Variants in MEIKIN observed in about 807,000 individuals in gnomAD.
MEIKIN encodes the protein meiosis-specific kinetochore protein.
chr5:131,840,051 T>A (rs1369465264), intron 11 of MEIKIN, among the ~76,000 whole-genome samples: 1 of 152,178 alleles, frequency 6.6e-6, no homozygotes, highest in African/African-American at 2.4e-5. Flanking sequence ...TTACATCTGG[T>A]GATAAATTCC....
intron 9 of MEIKIN, among the ~76,000 whole-genome samples, chr5:131,875,625 A>G: frequency 6.6e-6 from 1 of 152,206 alleles, no homozygotes; most frequent in Non-Finnish European, 1.5e-5. Context: ...GACTTTCTTC[A>G]CATAATTGGA....
chr5:131,925,860 C>A (rs894014070), intron 5 of MEIKIN, among the ~76,000 whole-genome samples: 2 of 151,790 alleles, frequency 1.3e-5, no homozygotes, highest in Non-Finnish European at 2.9e-5. Context: ...TAGAGAAGGG[C>A]TTTCACCATT....
chr5:131,883,643 G>T (rs768240887), intron 8 of MEIKIN, among the ~76,000 whole-genome samples: 5 of 152,218 alleles, frequency 3.3e-5, no homozygotes, highest in Non-Finnish European at 5.9e-5. Context: ...CATTGCCCCT[G>T]CAAGGACACC....
chr5:131,861,648 G>GT (rs1418006159), intron 9 of MEIKIN, among the ~76,000 whole-genome samples: 9 of 152,240 alleles, frequency 5.9e-5, no homozygotes, highest in African/African-American at 1.9e-4. Flanking sequence ...TTTGCTGAGA[G>GT]TTTTTGTCAT....
chr5:131,823,084 G>A (rs543771570), intron 11 of MEIKIN, among the ~76,000 whole-genome samples: 11 of 151,950 alleles, frequency 7.2e-5, no homozygotes, highest in Admixed American at 1.3e-4. Context: ...CCCATTTTAC[G>A]TTGTTTCTTT....
At chr5:131,822,773 G>A (rs1307237452) in intron 11 of MEIKIN, among the ~76,000 whole-genome samples, 1 of 152,038 alleles carries the variant, frequency 6.6e-6, no homozygotes, top group African/African-American at 2.4e-5. Flanking sequence ...TTACCAGTGA[G>A]TTTTCTACCT....
chr5:131,937,966 C>A (rs970429214), intron 4 of MEIKIN, among the ~76,000 whole-genome samples: 2 of 151,602 alleles, frequency 1.3e-5, no homozygotes, highest in Non-Finnish European at 2.9e-5. Context: ...TCAGTAAATA[C>A]ACTCATGACC....
chr5:131,875,157 G>A (rs1490976935), intron 9 of MEIKIN, among the ~76,000 whole-genome samples: 1 of 152,186 alleles, frequency 6.6e-6, no homozygotes, highest in Non-Finnish European at 1.5e-5. Flanking sequence ...AATCAGCCAG[G>A]AGAAGGAAAT....
intron 11 of MEIKIN, among the ~76,000 whole-genome samples, chr5:131,845,124 G>A (rs1749989818): frequency 6.6e-6 from 1 of 151,820 alleles, no homozygotes; most frequent in African/African-American, 2.4e-5. Context: ...CAAAAAATTA[G>A]CCAGGCATGG....
chr5:131,913,265 T>A (rs992381718), intron 7 of MEIKIN, among the ~76,000 whole-genome samples: 4 of 152,220 alleles, frequency 2.6e-5, no homozygotes, highest in Non-Finnish European at 4.4e-5. Context: ...TTGGGCATAA[T>A]CCCTTTCAAG....
Position 131,818,874 on chromosome 5 carries a change from A to G in MEIKIN, c.976-11T>C, listed in dbSNP as rs956511278. The stretch of plus-strand genomic sequence containing the variant: ...TGCATTTGCAGGAAACTGGAAAAGA[A>G]AAAAAGCAGATATTGCATAATTCCT... On this transcript the variant is annotated splice_polypyrimidine_tract_variant and intron_variant, in intron 11 of 12. Transcript: ENST00000442687. 5 of 397,356 alleles carry G rather than the reference A, an allele frequency of 1.3e-5. No individual in the cohort carries two copies. Among genetic ancestry groups the G allele is most frequent in the African/African-American group, 1.0e-4 (5 of 48,608 alleles). 24.6% of individuals were successfully genotyped at this position (397,356 alleles called of 1,614,324 possible). A position where few individuals can be genotyped will look rare whatever the true frequency, so the allele number is the denominator to read the frequency against.
intron 8 of MEIKIN, among the ~76,000 whole-genome samples, chr5:131,890,821 T>G (rs1212800392): frequency 2.0e-5 from 3 of 152,254 alleles, no homozygotes; most frequent in Non-Finnish European, 4.4e-5. Flanking sequence ...GGTGTCAATT[T>G]TAGATCTTTC....
At chr5:131,889,608 T>G (rs1054237098) in intron 8 of MEIKIN, among the ~76,000 whole-genome samples, 1 of 152,244 alleles carries the variant, frequency 6.6e-6, no homozygotes, top group African/African-American at 2.4e-5. Flanking sequence ...AAGGAGATTT[T>G]GGGCTGAGAA....
intron 9 of MEIKIN, among the ~76,000 whole-genome samples, chr5:131,870,248 GAC>G (rs980213815): frequency 7.2e-4 from 109 of 151,988 alleles, no homozygotes; most frequent in African/African-American, 2.4e-3. Context: ...AAATAACATA[GAC>G]ACACACACAA....
intron 11 of MEIKIN, among the ~76,000 whole-genome samples, chr5:131,839,874 G>C (rs1352251103): frequency 1.3e-5 from 2 of 152,104 alleles, no homozygotes; most frequent in African/African-American, 4.8e-5. Flanking sequence ...GAAATGTATG[G>C]ATTTGATCCT....
intron 5 of MEIKIN, among the ~76,000 whole-genome samples, chr5:131,929,152 G>A (rs1751640265): frequency 6.6e-6 from 1 of 152,190 alleles, no homozygotes; most frequent in Admixed American, 6.5e-5. Flanking sequence ...GGTTTCTGCT[G>A]AGAAATCCAC....
chr5:131,818,642 C>T, intron 12 of MEIKIN, 98 bp downstream of exon 12: 3 of 380,226 alleles, frequency 7.9e-6, no homozygotes, highest in East Asian at 3.7e-5. Context: ...TCTTAGAATA[C>T]AATTTATAAT....
At chr5:131,843,135 C>A in intron 11 of MEIKIN, among the ~76,000 whole-genome samples, 1 of 152,228 alleles carries the variant, frequency 6.6e-6, no homozygotes, top group East Asian at 1.9e-4. Flanking sequence ...GGATGTAGGG[C>A]GCCATGTCCC....
chr5:131,903,867 C>G (rs1400912760), intron 8 of MEIKIN, among the ~76,000 whole-genome samples: 1 of 151,344 alleles, frequency 6.6e-6, no homozygotes, highest in Non-Finnish European at 1.5e-5. Context: ...AAACAAAACC[C>G]AACAGTATGC....
Sources: allele counts gnomAD v4.1 joint callset (sites outside exome capture counted in the v4.1 genomes callset), GRCh38; gene constraint gnomAD v4.1.1; transcripts MANE v1.5; gene names NCBI Gene and HGNC (gene_info 2026-07-23, HGNC 2026-07-21).